The following EFCAB6 variants were observed in gnomAD, a reference collection of about 807,000 sequenced individuals.
EFCAB6 encodes EF-hand calcium-binding domain-containing protein 6.
In EFCAB6, 156 loss-of-function variants were observed where a neutral mutation model predicts 169.8. The ratio of observed to expected loss-of-function variants is 0.92; its 90% CI spans 0.81 to 1.05. The LOEUF (loss-of-function observed/expected upper bound fraction) is 1.05, where lower values mean the gene tolerates loss of function less well. Among genes scored for constraint, EFCAB6 ranks in the 50% least tolerant of loss-of-function variants. EFCAB6 has a pLI of 0.00. For synonymous variants in EFCAB6, 698 were observed against 676.4 expected, an observed-to-expected ratio of 1.03 and a Z score of -0.50; for missense variants, 1,800 against 1,829.1, an observed-to-expected ratio of 0.98 and a Z score of 0.29.
At position 43,667,603 on chromosome 22, in the gene EFCAB6, G is replaced by A. The variant is rs1443314647; in HGVS notation, c.1815-331C>T. On this transcript the variant is annotated intron_variant, in intron 16 of 31. Transcript: ENST00000262726. Reference sequence around the variant, plus strand: ...AGCTGGCCGAAGGTGGCATGTGACCGGGCACACAGGGTTGAAAAAGGATAT... The same window carrying A: ...AGCTGGCCGAAGGTGGCATGTGACCAGGCACACAGGGTTGAAAAAGGATAT... 3.9e-5 allele frequency among the ~76,000 whole-genome samples: 6 copies of A among 152,098 alleles called. No homozygotes were observed. In the East Asian group the frequency reaches 5.8e-4, roughly 15 times the overall value.
At chr22:43,615,352 C>T (rs1331277843) in intron 21 of EFCAB6, among the ~76,000 whole-genome samples, 1 of 152,102 alleles carries the variant, frequency 6.6e-6, no homozygotes, top group African/African-American at 2.4e-5. Flanking sequence ...CAGGATTGCA[C>T]GTGGAGGGTA....
At chr22:43,559,269 C>T (rs2048889511) in intron 26 of EFCAB6, among the ~76,000 whole-genome samples, 1 of 152,232 alleles carries the variant, frequency 6.6e-6, no homozygotes, top group Admixed American at 6.5e-5. Flanking sequence ...AAAAGCTCAT[C>T]ATCACTGGTC....
chr22:43,799,588 T>C (rs2062631065), intron 2 of EFCAB6, among the ~76,000 whole-genome samples: 1 of 152,218 alleles, frequency 6.6e-6, no homozygotes, highest in South Asian at 2.1e-4. Context: ...AGGAACACAG[T>C]ACTAATTTTA....
chr22:43,774,525 C>T (rs997638554), intron 3 of EFCAB6, among the ~76,000 whole-genome samples: 12 of 151,488 alleles, frequency 7.9e-5, no homozygotes, highest in South Asian at 2.1e-4. Context: ...GGGCCTGTGC[C>T]GGGGGCTGGG....
chr22:43,701,955 T>C (rs1245543524), intron 10 of EFCAB6, among the ~76,000 whole-genome samples: 2 of 152,138 alleles, frequency 1.3e-5, no homozygotes, highest in Admixed American at 6.6e-5. Flanking sequence ...TTAATAATTA[T>C]CTAATTATTT....
intron 4 of EFCAB6, among the ~76,000 whole-genome samples, chr22:43,768,584 C>G (rs1394492717): frequency 6.6e-6 from 1 of 152,184 alleles, no homozygotes; most frequent in Non-Finnish European, 1.5e-5. Context: ...CACACTCCAG[C>G]CTCCTTGATT....
intron 6 of EFCAB6, among the ~76,000 whole-genome samples, chr22:43,738,199 CAA>C (rs1285329158): frequency 6.6e-6 from 1 of 151,460 alleles, no homozygotes; most frequent in East Asian, 2.0e-4. Flanking sequence ...TGCATATACT[CAA>C]ACTCACACAC....
At chr22:43,764,926 C>CA (rs1482607369) in intron 5 of EFCAB6, among the ~76,000 whole-genome samples, 2 of 112 alleles carry the variant, frequency 0.018, no homozygotes, top group African/African-American at 0.077. Flanking sequence ...CATCACTTTC[C>CA]AATAACAACA....
At chr22:43,601,634 G>A (rs1280729971) in intron 22 of EFCAB6, among the ~76,000 whole-genome samples, 1 of 152,240 alleles carries the variant, frequency 6.6e-6, no homozygotes, top group African/African-American at 2.4e-5. Flanking sequence ...ACTAAGCCCT[G>A]TACGACTGTT....
rs1052068265 is a variant in EFCAB6 at position 43,571,120 on chromosome 22, C to T, written c.3420+5177G>A. On this transcript the variant is annotated intron_variant, in intron 26 of 31. Transcript: ENST00000262726. Reference sequence around the variant, plus strand: ...AGATCATTTTCACGTGCTGCTGTGACAGGCAGAGGAGGCTTAAGAATAATA... The same window carrying T: ...AGATCATTTTCACGTGCTGCTGTGATAGGCAGAGGAGGCTTAAGAATAATA... Among the ~76,000 whole-genome samples the T allele has an allele frequency of 9.2e-5, 14 of 152,218 alleles. 1 individual carries two copies. The highest frequency in any genetic ancestry group is 7.2e-4 in the Admixed American group (11 of 15,274).
chr22:43,746,474 A>T (rs1336532133), intron 6 of EFCAB6, among the ~76,000 whole-genome samples: 1 of 152,144 alleles, frequency 6.6e-6, no homozygotes, highest in African/African-American at 2.4e-5. Flanking sequence ...GGCCATGTAA[A>T]CCTTCCCCCA....
At chr22:43,578,305 CA>C (rs2050394066) in intron 25 of EFCAB6, among the ~76,000 whole-genome samples, 1 of 152,166 alleles carries the variant, frequency 6.6e-6, no homozygotes. Flanking sequence ...GGCCCCCCAG[CA>C]CCCTGGGAAG....
intron 28 of EFCAB6, among the ~76,000 whole-genome samples, chr22:43,538,279 C>T (rs1369773669): frequency 2.6e-5 from 4 of 152,212 alleles, no homozygotes; most frequent in Non-Finnish European, 5.9e-5. Flanking sequence ...TTGGCTCTAC[C>T]TTGATGATAC....
intron 22 of EFCAB6, among the ~76,000 whole-genome samples, chr22:43,604,526 T>C (rs556277649): frequency 6.6e-6 from 1 of 152,330 alleles, no homozygotes; most frequent in South Asian, 2.1e-4. Flanking sequence ...TCCCACTGAA[T>C]CTTCCCATTT....
intron 17 of EFCAB6, among the ~76,000 whole-genome samples, chr22:43,656,615 A>G (rs910829972): frequency 2.0e-5 from 3 of 152,216 alleles, no homozygotes; most frequent in Non-Finnish European, 2.9e-5. Flanking sequence ...TTGCATTACA[A>G]TGGCCTACAC....
At chr22:43,784,576 T>C (rs559399078) in intron 2 of EFCAB6, among the ~76,000 whole-genome samples, 3 of 84,130 alleles carry the variant, frequency 3.6e-5, no homozygotes, top group East Asian at 7.2e-4. Flanking sequence ...TATGTGTACA[T>C]ATACACATAT....
rs536818309 is a variant in EFCAB6 at position 43,735,862 on chromosome 22, G to T, written c.639C>A (p.Tyr213Ter). ...CCGTGCCTTCATTTGCTTACTTTTC[G>T]TATTCCTCGTCTCTTAACTTCATAC... ...TFCMKLRDEE[Y>*]EKFSKHYNIH... Residue 213 changes from tyrosine (Y) to a stop codon, truncating the protein, a stop_gained, in exon 7 of 32, where the codon TAC becomes TAA. Transcript: ENST00000262726. LOFTEE classifies it high-confidence loss of function. 1.2e-6 allele frequency: 2 copies of T among 1,611,364 alleles called. No individual in the cohort carries two copies. Among genetic ancestry groups the T allele is most frequent in the South Asian group, 1.1e-5 (1 of 90,242 alleles).
intron 2 of EFCAB6, among the ~76,000 whole-genome samples, chr22:43,789,846 T>TTCAC (rs2062213310): frequency 1.1e-5 from 1 of 90,724 alleles, no homozygotes; most frequent in African/African-American, 4.1e-5. Context: ...TTGGCTAACC[T>TTCAC]TCACACACAC....
intron 10 of EFCAB6, among the ~76,000 whole-genome samples, chr22:43,706,620 C>T (rs1178978363): frequency 2.6e-5 from 4 of 152,168 alleles, no homozygotes; most frequent in African/African-American, 9.7e-5. Context: ...AACCTAAAGG[C>T]CCAGATGGCA....
Sources: allele counts gnomAD v4.1 joint callset (sites outside exome capture counted in the v4.1 genomes callset), GRCh38; gene constraint gnomAD v4.1.1; transcripts MANE v1.5; gene names NCBI Gene and HGNC (gene_info 2026-07-23, HGNC 2026-07-21).